MITF: variants seen among roughly 807,000 people sequenced by gnomAD.
MITF encodes melanocyte inducing transcription factor.
MITF carries 17 observed loss-of-function variants against 60.5 expected under a neutral mutation model. The observed-to-expected ratio is 0.28, with a 90% confidence interval of 0.19 to 0.42. The LOEUF is 0.42. Among genes scored for constraint, MITF ranks in the 10% least tolerant of loss-of-function variants. MITF has a pLI of 1.00. For synonymous variants in MITF, 260 were observed against 248.5 expected (o/e 1.05, Z -0.43); for missense variants, 622 against 683.5 (o/e 0.91, Z 1.00).
chr3:69,755,322 T>C (rs1319809033), intron 1 of MITF, among the ~76,000 whole-genome samples: 1 of 152,102 alleles, frequency 6.6e-6, no homozygotes, highest in Non-Finnish European at 1.5e-5. Flanking sequence ...TCCTACCTTA[T>C]CTTTTCCCAC....
chr3:69,789,814 C>G (rs2062710390), intron 1 of MITF, among the ~76,000 whole-genome samples: 1 of 152,112 alleles, frequency 6.6e-6, no homozygotes. Flanking sequence ...GGAGATCGCA[C>G]CACTGCACTG....
intron 2 of MITF, among the ~76,000 whole-genome samples, chr3:69,899,658 T>A (rs573939688): frequency 6.6e-4 from 101 of 152,288 alleles, no homozygotes; most frequent in African/African-American, 2.3e-3. Context: ...ATATAACTTA[T>A]GCCTGCCTTG....
At chr3:69,805,046 G>A (rs561113856) in intron 1 of MITF, among the ~76,000 whole-genome samples, 15 of 152,290 alleles carry the variant, frequency 9.8e-5, no homozygotes, top group Admixed American at 7.8e-4. Context: ...GGAATCATTT[G>A]CTGACTCTTC....
chr3:69,792,490 A>T (rs1275769177), intron 1 of MITF, among the ~76,000 whole-genome samples: 1 of 151,978 alleles, frequency 6.6e-6, no homozygotes, highest in Non-Finnish European at 1.5e-5. Context: ...TAGTGTATAG[A>T]TAAAATGTGG....
intron 2 of MITF, among the ~76,000 whole-genome samples, chr3:69,909,195 G>A (rs746235222): frequency 5.3e-5 from 8 of 152,056 alleles, no homozygotes; most frequent in Non-Finnish European, 8.8e-5. Context: ...TAAGTCTCAC[G>A]AGATCTGATG....
At chr3:69,897,231 G>A (rs933679640) in intron 2 of MITF, among the ~76,000 whole-genome samples, 21 of 152,272 alleles carry the variant, frequency 1.4e-4, no homozygotes, top group East Asian at 3.9e-4. Flanking sequence ...AGATGGTGGC[G>A]TTGGTTTTGG....
intron 2 of MITF, chr3:69,936,692 T>C (rs1487404728): frequency 6.2e-7 from 1 of 1,613,460 alleles, no homozygotes; most frequent in East Asian, 2.2e-5. Flanking sequence ...CTACCGTCTC[T>C]CACTGGATTG....
intron 1 of MITF, chr3:69,866,164 A>T: frequency 6.5e-7 from 1 of 1,531,880 alleles, no homozygotes; most frequent in South Asian, 1.3e-5. Context: ...TCTAGCACAG[A>T]GCTGTGTTTG....
chr3:69,786,261 C>T (rs2062647402), intron 1 of MITF, among the ~76,000 whole-genome samples: 1 of 152,166 alleles, frequency 6.6e-6, no homozygotes, highest in African/African-American at 2.4e-5. Context: ...ATGTTTTTCT[C>T]ATTCTGCAAC....
intron 7 of MITF, among the ~76,000 whole-genome samples, chr3:69,955,777 G>A (rs560568329): frequency 1.2e-4 from 19 of 152,116 alleles, no homozygotes; most frequent in South Asian, 4.1e-4. Flanking sequence ...TCCTGCCACC[G>A]CACTCCAGCC....
At chr3:69,884,366 C>T (rs545886406) in intron 2 of MITF, among the ~76,000 whole-genome samples, 1 of 152,116 alleles carries the variant, frequency 6.6e-6, no homozygotes, top group African/African-American at 2.4e-5. Flanking sequence ...AGACATAAAC[C>T]CTTTATTTTT....
rs371386024 is a variant in MITF, at chr3:69,919,025, C to A, written c.355-18797C>A. On this transcript the variant is annotated intron_variant, in intron 2 of 9. Coordinates refer to ENST00000352241, the MANE Select transcript of MITF (RefSeq NM_001354604.2). ...CAAGAAATCTTTCTCTGTCTCTTCT[C>A]GCTCGTTCTCTTTTACATCCAAGGT... Among the ~76,000 whole-genome samples the A allele has an allele frequency of 1.8e-4, 28 of 152,288 alleles. 1 individual carries two copies. In the East Asian group the frequency reaches 2.3e-3, roughly 13 times the overall value.
intron 1 of MITF, among the ~76,000 whole-genome samples, chr3:69,857,361 A>G (rs1371944044): frequency 6.6e-6 from 1 of 151,380 alleles, no homozygotes; most frequent in African/African-American, 2.4e-5. Flanking sequence ...TGCCCCCCCC[A>G]GTTTCTTTCT....
At chr3:69,744,531 A>G (rs1000030648) in intron 1 of MITF, among the ~76,000 whole-genome samples, 2 of 152,208 alleles carry the variant, frequency 1.3e-5, no homozygotes, top group African/African-American at 4.8e-5. Context: ...TAAGTGTTAC[A>G]TTGACTGTGG....
intron 1 of MITF, among the ~76,000 whole-genome samples, chr3:69,822,942 C>G (rs1314759474): frequency 1.3e-5 from 2 of 151,610 alleles, no homozygotes; most frequent in Non-Finnish European, 2.9e-5. Flanking sequence ...CTCTGTCACC[C>G]AGGGTGAGTA....
intron 1 of MITF, 25 bp from the exon 2 acceptor site, chr3:69,879,109 T>G (rs372764638): frequency 6.3e-7 from 1 of 1,597,448 alleles, no homozygotes; most frequent in African/African-American, 1.3e-5. Context: ...AACTAAATGT[T>G]GTATGCATTT....
At chr3:69,787,719 T>A (rs2062674114) in intron 1 of MITF, among the ~76,000 whole-genome samples, 1 of 152,212 alleles carries the variant, frequency 6.6e-6, no homozygotes, top group African/African-American at 2.4e-5. Context: ...TGACTGCTCC[T>A]TATTTCTGAC....
chr3:69,845,276 A>G (rs953427925), intron 1 of MITF, among the ~76,000 whole-genome samples: 1 of 151,982 alleles, frequency 6.6e-6, no homozygotes, highest in Non-Finnish European at 1.5e-5. Flanking sequence ...TAAAATTAGG[A>G]GAATGACTTC....
intron 2 of MITF, among the ~76,000 whole-genome samples, chr3:69,915,772 T>C (rs2065321062): frequency 6.6e-6 from 1 of 152,162 alleles, no homozygotes; most frequent in Admixed American, 6.5e-5. Context: ...GAAGCCTGCT[T>C]CTCTGTTTCT....
Sources: gnomAD v4.1 joint callset for allele counts (sites outside exome capture counted in the v4.1 genomes callset) on GRCh38, gnomAD v4.1.1 for gene constraint, MANE v1.5 for transcripts, NCBI Gene and HGNC (gene_info 2026-07-23, HGNC 2026-07-21) for gene names.